AFM: variants seen among roughly 807,000 people sequenced by gnomAD.
AFM encodes afamin, also known as alpha-Alb.
In AFM, 82 loss-of-function variants were observed where a neutral mutation model predicts 68.7. The ratio of observed to expected loss-of-function variants is 1.19; its 90% confidence interval spans 1.00 to 1.43. The LOEUF (loss-of-function observed/expected upper bound fraction) is 1.43, where lower values mean the gene tolerates loss of function less well. Among genes scored for constraint, AFM ranks in the 40% most tolerant of loss-of-function variants. The pLI is 0.00. For synonymous variants in AFM, 250 were observed against 234.2 expected (o/e 1.07, Z -0.61); for missense variants, 772 against 701.8 (o/e 1.10, Z -1.13).
chr4:73,499,895 T>A, intron 11 of AFM, 109 bp from the exon 12 acceptor site: 1 of 879,886 alleles, frequency 1.1e-6, no homozygotes, highest in Admixed American at 2.2e-5. Context: ...GTTTTATGAG[T>A]GAGGTTAACA....
chr4:73,500,742 C>G (rs1420154078), intron 12 of AFM, among the ~76,000 whole-genome samples: 1 of 152,128 alleles, frequency 6.6e-6, no homozygotes, highest in Non-Finnish European at 1.5e-5. Context: ...CATGAATTTT[C>G]TGGAAAGATC....
chr4:73,494,446 A>C (rs1308040081), intron 8 of AFM, among the ~76,000 whole-genome samples: 1 of 152,132 alleles, frequency 6.6e-6, no homozygotes, highest in African/African-American at 2.4e-5. Context: ...CTTCAAGATG[A>C]CATCTCTGTC....
intron 7 of AFM, among the ~76,000 whole-genome samples, chr4:73,489,207 A>C (rs1156740410): frequency 6.6e-6 from 1 of 152,114 alleles, no homozygotes. Flanking sequence ...GGATACATTA[A>C]TTTAACTTTT....
At chr4:73,490,589 T>C (rs987458424) in intron 7 of AFM, among the ~76,000 whole-genome samples, 1 of 152,022 alleles carries the variant, frequency 6.6e-6, no homozygotes, top group Admixed American at 6.6e-5. Context: ...CCCGCTAATG[T>C]TTTTTGTATT....
intron 11 of AFM, 77 bp downstream of exon 11, chr4:73,499,323 C>G (rs922977739): frequency 7.9e-7 from 1 of 1,262,604 alleles, no homozygotes; most frequent in Non-Finnish European, 1.0e-6. Context: ...ATTGATTTAC[C>G]GTGATTATCC....
chr4:73,487,154 T>G, intron 5 of AFM, 55 bp downstream of exon 5: 1 of 1,584,270 alleles, frequency 6.3e-7, no homozygotes, highest in Non-Finnish European at 8.6e-7. Flanking sequence ...ATACCACAGA[T>G]CCAGACCCTG....
intron 8 of AFM, among the ~76,000 whole-genome samples, chr4:73,494,200 A>T (rs1480930105): frequency 6.6e-6 from 1 of 152,126 alleles, no homozygotes; most frequent in Non-Finnish European, 1.5e-5. Flanking sequence ...TATATCTCAC[A>T]AATGGAATTG....
intron 7 of AFM, among the ~76,000 whole-genome samples, chr4:73,491,374 A>C (rs759458835): frequency 2.0e-5 from 3 of 152,196 alleles, no homozygotes; most frequent in Non-Finnish European, 2.9e-5. Flanking sequence ...TATTTGATGA[A>C]TCGTCATCTG....
At chr4:73,494,744 C>T (rs1721203919) in intron 8 of AFM, among the ~76,000 whole-genome samples, 1 of 152,144 alleles carries the variant, frequency 6.6e-6, no homozygotes, top group Non-Finnish European at 1.5e-5. Flanking sequence ...CTTTCCAAAT[C>T]ACACCCACCT....
chr4:73,501,114 G>A (rs1443141836), intron 12 of AFM, among the ~76,000 whole-genome samples: 1 of 152,068 alleles, frequency 6.6e-6, no homozygotes, highest in Non-Finnish European at 1.5e-5. Flanking sequence ...GTTGCCCCCT[G>A]AAGTTTGGAA....
chr4:73,487,958 A>G (rs1720953366), intron 6 of AFM, 137 bp downstream of exon 6: 1 of 582,242 alleles, frequency 1.7e-6, no homozygotes, highest in African/African-American at 1.9e-5. Context: ...GCCTACTTAG[A>G]CAGCTCAGGA....
rs112299951 is a variant in AFM at position 73,501,683 on chromosome 4, C to T, written c.1647-104C>T. 2,695 of 1,314,662 alleles carry T rather than the reference C, an allele frequency of 2.0e-3. 33 individuals carry two copies. The African/African-American group carries it at 0.036, about 18-fold the overall frequency. 81.4% of individuals were successfully genotyped at this position (1,314,662 alleles called of 1,614,324 possible). ...GGTATATTTCAACTCTTTACCCACA[C>T]CCAAGCTGAGACTCAAGACGTGATT... On this transcript the variant is annotated intron_variant, in intron 12 of 14. Coordinates refer to ENST00000226355, the MANE Select transcript of AFM (RefSeq NM_001133.2).
intron 14 of AFM, among the ~76,000 whole-genome samples, chr4:73,503,639 T>G (rs1019377528): frequency 1.2e-4 from 19 of 152,160 alleles, no homozygotes; most frequent in Non-Finnish European, 2.4e-4. Context: ...GCCCTCCCCT[T>G]TGTGGCTTAT....
intron 7 of AFM, among the ~76,000 whole-genome samples, chr4:73,490,343 T>G (rs1035567896): frequency 4.6e-5 from 7 of 152,232 alleles, no homozygotes; most frequent in Non-Finnish European, 8.8e-5. Context: ...TGCTCCTAAC[T>G]GTACCCAAGT....
At chr4:73,495,222 G>A in intron 8 of AFM, 78 bp from the exon 9 acceptor site, 1 of 1,380,734 alleles carries the variant, frequency 7.2e-7, no homozygotes, top group South Asian at 1.5e-5. Context: ...TATTAGATCT[G>A]ACTGGATTAC....
intron 12 of AFM, among the ~76,000 whole-genome samples, chr4:73,500,542 C>T (rs754634318): frequency 2.0e-5 from 3 of 152,060 alleles, no homozygotes; most frequent in African/African-American, 7.2e-5. Flanking sequence ...AGGGAATGCC[C>T]GGAGAATATC....
At position 73,491,890 on chromosome 4, in the gene AFM, A is replaced by G. The variant is rs1721078650; in HGVS notation, c.862A>G (p.Ile288Val). 1 of 1,613,432 alleles carries G rather than the reference A, an allele frequency of 6.2e-7. No individual in the cohort carries two copies. Among genetic ancestry groups the G allele is most frequent in the African/African-American group, 1.3e-5 (1 of 75,034 alleles). Residue 288 changes from isoleucine (I) to valine (V), a missense_variant, in exon 8 of 15, where the codon ATT becomes GTT. Coordinates refer to ENST00000226355, the MANE Select transcript of AFM (RefSeq NM_001133.2). The part of the protein sequence containing the change: ...IRDTSKVMNH[I>V]CSKQDSISSK... ...GGTACAGAGCAAGGTTATGAACCAT[A>G]TTTGTTCAAAACAAGATTCTATCTC...
Position 73,503,076 on chromosome 4 carries a change from G to A in AFM, c.*6G>A. ...GTCCAAAAATTGGCAACTGAAGCCAGCTGCTGGAGATATGTAAAGAAAAAA... is the reference window on the plus strand; with the variant it reads ...GTCCAAAAATTGGCAACTGAAGCCAACTGCTGGAGATATGTAAAGAAAAAA... On this transcript the variant is annotated 3_prime_UTR_variant, in exon 14 of 15. Transcript: ENST00000226355. The A allele has an allele frequency of 6.2e-7, 1 of 1,613,056 alleles. No individual in the cohort carries two copies. The highest frequency in any genetic ancestry group is 8.5e-7 in the Non-Finnish European group (1 of 1,179,284).
intron 1 of AFM, among the ~76,000 whole-genome samples, chr4:73,482,358 T>A (rs1432222883): frequency 6.6e-6 from 1 of 152,216 alleles, no homozygotes; most frequent in Non-Finnish European, 1.5e-5. Context: ...AGGGATGACT[T>A]TTTTTATTTC....
Sources: gnomAD v4.1 joint callset for allele counts (sites outside exome capture counted in the v4.1 genomes callset) on GRCh38, gnomAD v4.1.1 for gene constraint, MANE v1.5 for transcripts, NCBI Gene and HGNC (gene_info 2026-07-23, HGNC 2026-07-21) for gene names.